MOB3B: variants seen among roughly 807,000 people sequenced by gnomAD.
MOB3B encodes the protein MOB kinase activator-like 2B.
In MOB3B, 7 loss-of-function variants were observed where a neutral mutation model predicts 18.7. The ratio of observed to expected loss-of-function variants is 0.37; its 90% CI spans 0.21 to 0.70. The LOEUF is 0.70. Among genes scored for constraint, MOB3B ranks in the 30% least tolerant of loss-of-function variants. MOB3B has a pLI of 0.52. For missense variants in MOB3B, 253 were observed against 281.3 expected (o/e 0.90, Z 0.72); for synonymous variants, 111 against 99.9 (o/e 1.11, Z -0.66).
intron 3 of MOB3B, among the ~76,000 whole-genome samples, chr9:27,340,715 A>G (rs928668969): frequency 1.6e-4 from 24 of 152,154 alleles, no homozygotes; most frequent in African/African-American, 5.8e-4. Context: ...ATTTCTGCTC[A>G]GACTGATGCT....
intron 2 of MOB3B, chr9:27,397,376 A>G (rs1821816831): frequency 6.6e-6 from 1 of 152,188 alleles, no homozygotes; most frequent in Non-Finnish European, 1.5e-5. Context: ...TCATCTATTG[A>G]ACCACAGCAT....
Position 27,357,888 on chromosome 9 carries a change from C to CAAAAAAAA in MOB3B, c.621+1138_621+1145dup, listed in dbSNP as rs58851638. ...TCAACATAATGAGATCCCATCGCTA[C>CAAAAAAAA]AAAAAAAAAAAAAAAAAAAAAAAAA... On this transcript the variant is annotated intron_variant, in intron 3 of 3. Coordinates refer to ENST00000262244, the MANE Select transcript of MOB3B (RefSeq NM_024761.5). 7.2e-4 allele frequency among the ~76,000 whole-genome samples: 42 copies of CAAAAAAAA among 57,960 alleles called. 4 individuals carry two copies. Among genetic ancestry groups the CAAAAAAAA allele is most frequent in the East Asian group, 1.4e-3 (2 of 1,398 alleles). The allele number at this position is 57,960 out of a possible 152,430, so 38.0% of individuals were successfully genotyped here. A position where few individuals can be genotyped will look rare whatever the true frequency, so the allele number is the denominator to read the frequency against.
intron 2 of MOB3B, among the ~76,000 whole-genome samples, chr9:27,377,613 T>C (rs1821508080): frequency 6.6e-6 from 1 of 152,196 alleles, no homozygotes. Context: ...GTCTGAGAAC[T>C]TGTGCTTCAA....
At chr9:27,427,359 C>T (rs758800299) in intron 2 of MOB3B, among the ~76,000 whole-genome samples, 1 of 152,246 alleles carries the variant, frequency 6.6e-6, no homozygotes, top group Non-Finnish European at 1.5e-5. Flanking sequence ...GCATGAACCA[C>T]GTCACCTGCC....
chr9:27,341,142 G>A (rs1178425995), intron 3 of MOB3B, among the ~76,000 whole-genome samples: 1 of 152,236 alleles, frequency 6.6e-6, no homozygotes, highest in African/African-American at 2.4e-5. Flanking sequence ...GCACTGGCCG[G>A]TGAAGCAGAG....
chr9:27,461,088 C>T lies in MOB3B; in HGVS notation c.-198-5340G>A, dbSNP rs191936403. ...CCATTCCTCTGTGTTATCTGAAATTCCACCTCTTCAGAATCAAAGAATGAC... is the reference window on the plus strand; with the variant it reads ...CCATTCCTCTGTGTTATCTGAAATTTCACCTCTTCAGAATCAAAGAATGAC... On this transcript the variant is annotated intron_variant, in intron 1 of 3. Transcript: ENST00000262244. Among the ~76,000 whole-genome samples the T allele has an allele frequency of 3.9e-5, 6 of 152,304 alleles. No homozygotes were observed. In the East Asian group the frequency reaches 1.2e-3, roughly 29 times the overall value.
intron 1 of MOB3B, among the ~76,000 whole-genome samples, chr9:27,523,158 T>C (rs998198574): frequency 6.6e-6 from 1 of 152,310 alleles, no homozygotes; most frequent in East Asian, 1.9e-4. Context: ...GCTACCTTTT[T>C]AAAATGACAA....
intron 1 of MOB3B, chr9:27,524,450 A>C (rs755598661): frequency 6.2e-7 from 1 of 1,614,104 alleles, no homozygotes; most frequent in Non-Finnish European, 8.5e-7. Flanking sequence ...TTCACCTGAG[A>C]AGAGTCACCT....
chr9:27,404,024 T>C (rs1424655717), intron 2 of MOB3B, among the ~76,000 whole-genome samples: 2 of 152,174 alleles, frequency 1.3e-5, no homozygotes, highest in African/African-American at 2.4e-5. Flanking sequence ...ACACTAGAAC[T>C]CACTCCTCAT....
chr9:27,460,487 A>G (rs1009642986), intron 1 of MOB3B, among the ~76,000 whole-genome samples: 1 of 152,216 alleles, frequency 6.6e-6, no homozygotes, highest in African/African-American at 2.4e-5. Flanking sequence ...TTGCCTCATT[A>G]GTTGAGAAAT....
chr9:27,330,206 T>C lies in MOB3B; in HGVS notation c.*381A>G, dbSNP rs1161683263. On this transcript the variant is annotated 3_prime_UTR_variant, in exon 4 of 4. Transcript: ENST00000262244. ...GAAGTCGGCCAGCTGACAAGACAGA[T>C]AAGTGGAAAAATACGAACACGCATC... 1.7e-5 allele frequency: 3 copies of C among 171,652 alleles called. No homozygotes were observed. Among genetic ancestry groups the C allele is most frequent in the African/African-American group, 7.1e-5 (3 of 42,066 alleles). The allele number at this position is 171,652 out of a possible 1,614,324, so 10.6% of individuals were successfully genotyped here.
intron 2 of MOB3B, among the ~76,000 whole-genome samples, chr9:27,381,875 G>A (rs181265102): frequency 3.2e-4 from 49 of 152,224 alleles, no homozygotes; most frequent in Non-Finnish European, 6.3e-4. Flanking sequence ...CAAACTACGG[G>A]GTTCAAGCAA....
intron 2 of MOB3B, among the ~76,000 whole-genome samples, chr9:27,420,548 CATAT>C (rs55684272): frequency 0.054 from 1,663 of 30,830 alleles, 56 homozygotes; most frequent in South Asian, 0.063. Flanking sequence ...CTGTATATTC[CATAT>C]ATATATATAT....
chr9:27,426,977 C>A (rs1199522057), intron 2 of MOB3B, among the ~76,000 whole-genome samples: 2 of 152,208 alleles, frequency 1.3e-5, no homozygotes, highest in African/African-American at 4.8e-5. Context: ...TCTGCAAGCA[C>A]ACACTGGATT....
At position 27,329,237 on chromosome 9, in the gene MOB3B, A is replaced by C. The variant is rs1329149277; in HGVS notation, c.*1350T>G. 1 of 152,184 alleles carries C rather than the reference A, an allele frequency of 6.6e-6. No homozygotes were observed. Among genetic ancestry groups the C allele is most frequent in the Admixed American group, 6.5e-5 (1 of 15,280 alleles). The allele number at this position is 152,184 out of a possible 1,614,324, so 9.4% of individuals were successfully genotyped here. On this transcript the variant is annotated 3_prime_UTR_variant, in exon 4 of 4. Transcript: ENST00000262244. ...TTGCTAAATTAAAAGGATCACTGGAAGTATTATGACCCCCCTCGTCACAGG... is the reference window on the plus strand; with the variant it reads ...TTGCTAAATTAAAAGGATCACTGGACGTATTATGACCCCCCTCGTCACAGG...
chr9:27,362,532 GGCT>G (rs749398090), intron 2 of MOB3B, among the ~76,000 whole-genome samples: 4 of 152,082 alleles, frequency 2.6e-5, no homozygotes, highest in Non-Finnish European at 5.9e-5. Context: ...TCTTGGCTCT[GGCT>G]GCTAAGTCAG....
chr9:27,404,388 G>A (rs141780402), intron 2 of MOB3B, among the ~76,000 whole-genome samples: 1,389 of 100,848 alleles, frequency 0.014, 16 homozygotes, highest in Non-Finnish European at 0.018. Context: ...ACAGAGTCTC[G>A]TTCTGTCACC....
At chr9:27,437,401 C>T (rs963165422) in intron 2 of MOB3B, among the ~76,000 whole-genome samples, 6 of 152,104 alleles carry the variant, frequency 3.9e-5, no homozygotes, top group Admixed American at 1.3e-4. Flanking sequence ...CATTGAATTT[C>T]GTCCTTTTTG....
intron 1 of MOB3B, among the ~76,000 whole-genome samples, chr9:27,471,312 G>T (rs1292598817): frequency 3.4e-4 from 52 of 152,320 alleles, no homozygotes; most frequent in Non-Finnish European, 2.9e-5. Flanking sequence ...ATTTCCAGCA[G>T]TAAGAATGGC....
Sources: gnomAD v4.1 joint callset for allele counts (sites outside exome capture counted in the v4.1 genomes callset) on GRCh38, gnomAD v4.1.1 for gene constraint, MANE v1.5 for transcripts, NCBI Gene and HGNC (gene_info 2026-07-23, HGNC 2026-07-21) for gene names.